Variants in ZMYND11 observed in about 807,000 individuals in gnomAD.
The protein encoded by ZMYND11 is zinc finger MYND domain-containing protein 11.
In ZMYND11, 9 loss-of-function variants were observed where a neutral mutation model predicts 84.9. The observed-to-expected ratio is 0.11, with a 90% CI of 0.06 to 0.18. The LOEUF (loss-of-function observed/expected upper bound fraction) is 0.18, where lower values mean the gene tolerates loss of function less well. ZMYND11 is among the 10% of genes least tolerant of loss of function. The pLI, the probability that ZMYND11 is intolerant of heterozygous loss-of-function variation, is 1.00. For missense variants in ZMYND11, 409 were observed against 761.0 expected, an observed-to-expected ratio of 0.54 and a Z score of 5.44; for synonymous variants, 250 against 244.1, an observed-to-expected ratio of 1.02 and a Z score of -0.23.
intron 2 of ZMYND11, chr10:197,980 A>G (rs1248593457): frequency 4.6e-6 from 3 of 651,588 alleles, no homozygotes; most frequent in African/African-American, 3.6e-5. Flanking sequence ...TGTCATTTTC[A>G]TTAGTTGTAT....
chr10:236,981 A>G (rs920550321), intron 5 of ZMYND11, 66 bp downstream of exon 5: 98 of 1,454,310 alleles, frequency 6.7e-5, no homozygotes, highest in Non-Finnish European at 9.0e-5. Context: ...TCATTCTTTC[A>G]AAGTTGAATG....
At chr10:136,017 T>C (rs373215784) in intron 1 of ZMYND11, among the ~76,000 whole-genome samples, 17 of 151,454 alleles carry the variant, frequency 1.1e-4, no homozygotes, top group East Asian at 7.8e-4. Context: ...AGGAAGCGTT[T>C]GTCGGCGCGG....
intron 2 of ZMYND11, among the ~76,000 whole-genome samples, chr10:203,041 A>G (rs1216860526): frequency 6.6e-6 from 1 of 152,194 alleles, no homozygotes; most frequent in African/African-American, 2.4e-5. Context: ...TCCTATAGCA[A>G]GCATCATATT....
At chr10:203,717 A>G (rs568324853) in intron 2 of ZMYND11, among the ~76,000 whole-genome samples, 5 of 152,294 alleles carry the variant, frequency 3.3e-5, no homozygotes, top group African/African-American at 1.2e-4. Context: ...CGTCTAGCTA[A>G]TAGATACAAA....
upstream of ZMYND11, among the ~76,000 whole-genome samples, chr10:133,721 C>G (rs1564235825): frequency 6.6e-6 from 1 of 152,196 alleles, no homozygotes; most frequent in Non-Finnish European, 1.5e-5. Context: ...CCTGGCCCAA[C>G]ATTCAAACCA....
chr10:132,265 G>T (rs1554750037), upstream of ZMYND11, among the ~76,000 whole-genome samples: 1 of 149,072 alleles, frequency 6.7e-6, no homozygotes, highest in East Asian at 1.9e-4. Context: ...TCTTGCTGCT[G>T]CTCAAAAAAA....
chr10:138,840 A>C (rs1434605168), intron 1 of ZMYND11, among the ~76,000 whole-genome samples: 4 of 151,908 alleles, frequency 2.6e-5, no homozygotes, highest in African/African-American at 9.7e-5. Context: ...TTAACACTGA[A>C]TTTTCTTTTT....
rs1209602667 is a variant in ZMYND11 at position 166,730 on chromosome 10, A to G, written c.-19-13264A>G. Among the ~76,000 whole-genome samples the G allele has an allele frequency of 2.6e-5, 4 of 152,122 alleles. 1 individual carries two copies. The highest frequency in any genetic ancestry group is 3.9e-4 in the East Asian group (2 of 5,186). ...GTAGAATTTATTACATGATCTGGCA[A>G]TTCCACTTCTGGGTATATGCCCCAA... On this transcript the variant is annotated intron_variant, in intron 1 of 14. Coordinates refer to ENST00000381604, the MANE Select transcript of ZMYND11 (RefSeq NM_001370100.5).
chr10:237,070 A>G (rs558715530), intron 5 of ZMYND11, among the ~76,000 whole-genome samples, 155 bp downstream of exon 5: 2 of 152,336 alleles, frequency 1.3e-5, no homozygotes, highest in African/African-American at 4.8e-5. Context: ...TTTTTGCAGT[A>G]AACAGTTCTA....
At chr10:249,766 T>C (rs1952960870) in intron 14 of ZMYND11, 1 of 985,182 alleles carries the variant, frequency 1.0e-6, no homozygotes, top group Non-Finnish European at 1.2e-6. Flanking sequence ...TTTTAATAAA[T>C]GACTATATAA....
chr10:160,264 C>A (rs1842662337), intron 1 of ZMYND11, among the ~76,000 whole-genome samples: 1 of 152,212 alleles, frequency 6.6e-6, no homozygotes, highest in Admixed American at 6.5e-5. Flanking sequence ...TTACCATAGT[C>A]TGTTAAGTGT....
chr10:137,701 T>A (rs990271675), intron 1 of ZMYND11, among the ~76,000 whole-genome samples: 1 of 152,168 alleles, frequency 6.6e-6, no homozygotes, highest in African/African-American at 2.4e-5. Flanking sequence ...AGAAAAAATA[T>A]GAATGTCTGT....
intron 1 of ZMYND11, among the ~76,000 whole-genome samples, chr10:152,185 A>G (rs1840542294): frequency 6.6e-6 from 1 of 152,228 alleles, no homozygotes; most frequent in Non-Finnish European, 1.5e-5. Context: ...AGCTAACATC[A>G]TAATGACAGG....
At chr10:208,327 A>G (rs1414645800) in intron 2 of ZMYND11, among the ~76,000 whole-genome samples, 1 of 152,208 alleles carries the variant, frequency 6.6e-6, no homozygotes, top group Non-Finnish European at 1.5e-5. Flanking sequence ...CTGCACAGCA[A>G]AAGAAACTGC....
intron 1 of ZMYND11, among the ~76,000 whole-genome samples, chr10:176,010 G>A (rs1450173206): frequency 3.3e-5 from 5 of 152,194 alleles, no homozygotes; most frequent in Admixed American, 6.5e-5. Flanking sequence ...TGTGTTTATC[G>A]TTTCCTTAAA....
At chr10:235,867 T>C (rs964426233) in intron 4 of ZMYND11, among the ~76,000 whole-genome samples, 1 of 152,256 alleles carries the variant, frequency 6.6e-6, no homozygotes, top group South Asian at 2.1e-4. Context: ...ATTTTATGTG[T>C]TTATAAACAG....
intron 1 of ZMYND11, among the ~76,000 whole-genome samples, chr10:151,414 G>A (rs902275408): frequency 3.0e-4 from 45 of 152,292 alleles, no homozygotes; most frequent in African/African-American, 8.9e-4. Context: ...ACTACGTGAC[G>A]AATGCACAAG....
chr10:235,100 T>C (rs1436961589), intron 4 of ZMYND11, among the ~76,000 whole-genome samples: 1 of 152,166 alleles, frequency 6.6e-6, no homozygotes, highest in Non-Finnish European at 1.5e-5. Context: ...ATTGCACGTA[T>C]TTCAAAACAT....
chr10:174,360 A>G (rs1416420840), intron 1 of ZMYND11, among the ~76,000 whole-genome samples: 1 of 152,252 alleles, frequency 6.6e-6, no homozygotes, highest in Non-Finnish European at 1.5e-5. Context: ...CTGTGGAGAC[A>G]GTAGTAAAAA....
Sources: gnomAD v4.1 joint callset for allele counts (sites outside exome capture counted in the v4.1 genomes callset) on GRCh38, gnomAD v4.1.1 for gene constraint, MANE v1.5 for transcripts, NCBI Gene and HGNC (gene_info 2026-07-23, HGNC 2026-07-21) for gene names.